The following LTBP1 variants were observed in gnomAD, a reference collection of about 807,000 sequenced individuals.
The protein encoded by LTBP1 is latent-transforming growth factor beta-binding protein 1.
In LTBP1, 129 loss-of-function variants were observed where a neutral mutation model predicts 207.6. The observed-to-expected ratio is 0.62, with a 90% CI of 0.54 to 0.72. The LOEUF (loss-of-function observed/expected upper bound fraction) is 0.72, where lower values mean the gene tolerates loss of function less well. Among genes scored for constraint, LTBP1 ranks in the 30% least tolerant of loss-of-function variants. The pLI is 0.00. For synonymous variants in LTBP1, 963 were observed against 833.7 expected, an observed-to-expected ratio of 1.16 and a Z score of -2.67; for missense variants, 2,281 against 2,217.2, an observed-to-expected ratio of 1.03 and a Z score of -0.58.
At chr2:32,987,608 A>C (rs866413565) in intron 2 of LTBP1, among the ~76,000 whole-genome samples, 2 of 152,310 alleles carry the variant, frequency 1.3e-5, no homozygotes, top group African/African-American at 2.4e-5. Flanking sequence ...TCTGTATGTG[A>C]GAATCTTATA....
At chr2:32,985,408 T>C (rs2148783469) in intron 2 of LTBP1, among the ~76,000 whole-genome samples, 1 of 152,148 alleles carries the variant, frequency 6.6e-6, no homozygotes, top group East Asian at 1.9e-4. Flanking sequence ...TTAGAGAGGA[T>C]AAATTCTCAC....
chr2:33,268,467 T>C (rs1208293301), intron 15 of LTBP1, among the ~76,000 whole-genome samples: 7 of 152,246 alleles, frequency 4.6e-5, no homozygotes, highest in Admixed American at 3.9e-4. Flanking sequence ...CCTTTTCACA[T>C]TTAGCTAAAC....
chr2:33,188,606 C>CT lies in LTBP1; in HGVS notation c.1456_1457insT (p.His486LeufsTer7), dbSNP rs1450832207. On this transcript the variant is annotated frameshift_variant, in exon 7 of 34. Transcript: ENST00000404816. LOFTEE classifies it high-confidence loss of function. Reference sequence around the variant, plus strand: ...ATTTCCTCCTAACATAGTCAATATCCATGTGAAACATCCTCCTGAAGCTTC... The same window carrying CT: ...ATTTCCTCCTAACATAGTCAATATCCTATGTGAAACATCCTCCTGAAGCTTC... 4 of 1,613,604 alleles carry CT rather than the reference C, an allele frequency of 2.5e-6. No homozygotes were observed. The highest frequency in any genetic ancestry group is 3.4e-6 in the Non-Finnish European group (4 of 1,179,934).
chr2:33,074,791 A>T (rs1032125845), intron 3 of LTBP1, among the ~76,000 whole-genome samples: 1 of 151,690 alleles, frequency 6.6e-6, no homozygotes, highest in Non-Finnish European at 1.5e-5. Context: ...AATGGCGTGA[A>T]CCGAGGAGGT....
intron 2 of LTBP1, among the ~76,000 whole-genome samples, chr2:33,019,760 T>C (rs2075061209): frequency 6.6e-6 from 1 of 152,156 alleles, no homozygotes; most frequent in Non-Finnish European, 1.5e-5. Flanking sequence ...ATTCTGTTGC[T>C]TAGGCTGGAG....
rs1204619710 is a variant in LTBP1, at chr2:33,365,396, T to C, written c.4604T>C (p.Val1535Ala). 6.2e-7 allele frequency: 1 copy of C among 1,614,034 alleles called. No individual in the cohort carries two copies. Among genetic ancestry groups the C allele is most frequent in the Non-Finnish European group, 8.5e-7 (1 of 1,180,030 alleles). Residue 1535 changes from valine to alanine, a missense_variant, in exon 31 of 34, where the codon GTG (valine) becomes GCG (alanine). Physicochemically the swap from Val to Ala is moderately conservative, Grantham distance 64. Coordinates refer to ENST00000404816, the MANE Select transcript of LTBP1 (RefSeq NM_206943.4). Reference sequence around the variant, plus strand: ...TGGGAACATCTGAGTGATGAATACGTGTGTAGCCGGCCTCTTGTGGGCAAG... The same window carrying C: ...TGGGAACATCTGAGTGATGAATACGCGTGTAGCCGGCCTCTTGTGGGCAAG... ...LCWEHLSDEY[V>A]CSRPLVGKQT...
chr2:33,324,584 T>C (rs2094401744), intron 24 of LTBP1, among the ~76,000 whole-genome samples: 1 of 152,150 alleles, frequency 6.6e-6, no homozygotes, highest in South Asian at 2.1e-4. Context: ...ATTTTATTTT[T>C]ATATTGTCAA....
At chr2:33,144,010 A>G (rs2082827723) in intron 5 of LTBP1, among the ~76,000 whole-genome samples, 1 of 151,880 alleles carries the variant, frequency 6.6e-6, no homozygotes, top group Non-Finnish European at 1.5e-5. Flanking sequence ...GAAGGTGCAT[A>G]TGGACTCCTT....
chr2:33,150,710 C>CTTTTTTTTTTTTTTTTT (rs1176008947), intron 5 of LTBP1, among the ~76,000 whole-genome samples: 5 of 69,280 alleles, frequency 7.2e-5, no homozygotes, highest in Admixed American at 2.1e-4. Context: ...TTTTCTTTTT[C>CTTTTTTTTTTTTTTTTT]TTTTTTTTTT....
At chr2:33,075,697 T>TA (rs1037517554) in intron 3 of LTBP1, among the ~76,000 whole-genome samples, 10 of 152,256 alleles carry the variant, frequency 6.6e-5, no homozygotes, top group African/African-American at 2.2e-4. Context: ...CCAATTTACC[T>TA]ACTTTACTGG....
Position 33,347,031 on chromosome 2 carries a change from T to C in LTBP1, c.3857-336T>C, listed in dbSNP as rs2094711872. Among the ~76,000 whole-genome samples the C allele has an allele frequency of 2.9e-5, 4 of 136,992 alleles. 1 individual carries two copies. The South Asian group carries it at 9.1e-4, about 31-fold the overall frequency. The allele number at this position is 136,992 out of a possible 152,430, so 89.9% of individuals were successfully genotyped here. A position where few individuals can be genotyped will look rare whatever the true frequency, so the allele number is the denominator to read the frequency against. Reference sequence around the variant, plus strand: ...TATTCAGGAGGCTGAGGCAGGAGAATGGCGTGAACCCGGGAGGCAGAGCTT... The same window carrying C: ...TATTCAGGAGGCTGAGGCAGGAGAACGGCGTGAACCCGGGAGGCAGAGCTT... On this transcript the variant is annotated intron_variant, in intron 25 of 33. Coordinates refer to ENST00000404816, the MANE Select transcript of LTBP1 (RefSeq NM_206943.4).
At position 33,134,344 on chromosome 2, in the gene LTBP1, A is replaced by AACAGG; in HGVS notation, c.1034-449_1034-448insACAGG. On this transcript the variant is annotated intron_variant, in intron 4 of 33. Coordinates refer to ENST00000404816, the MANE Select transcript of LTBP1 (RefSeq NM_206943.4). This position sits in a 1 kb window ranked among gnomAD's most constrained non-coding sequence, Gnocchi z 4.4. ...CTGCAAATAGTGACTTAATAAGTGG[A>AACAGG]GAAACAGGGAAAGTATGCAAGTTGA... 2.2e-6 allele frequency: 1 copy of AACAGG among 453,606 alleles called. No individual in the cohort carries two copies. Among genetic ancestry groups the AACAGG allele is most frequent in the South Asian group, 1.6e-5 (1 of 61,818 alleles). 28.1% of individuals were successfully genotyped at this position (453,606 alleles called of 1,614,324 possible).
At chr2:33,196,801 A>C (rs536385527) in intron 7 of LTBP1, among the ~76,000 whole-genome samples, 66 of 152,300 alleles carry the variant, frequency 4.3e-4, no homozygotes, top group African/African-American at 1.5e-3. Flanking sequence ...GTGTACTCTT[A>C]ATTATCAGTC....
At chr2:33,194,647 G>A (rs2088330640) in intron 7 of LTBP1, among the ~76,000 whole-genome samples, 1 of 152,146 alleles carries the variant, frequency 6.6e-6, no homozygotes, top group African/African-American at 2.4e-5. Context: ...TGGTTCATGA[G>A]GTTTAAAGAA....
intron 3 of LTBP1, among the ~76,000 whole-genome samples, chr2:33,068,800 A>G (rs1322712592): frequency 6.6e-6 from 1 of 152,146 alleles, no homozygotes; most frequent in Non-Finnish European, 1.5e-5. Context: ...TATGTTTTGA[A>G]TTTTGTCAAT....
At chr2:33,135,084 T>A in intron 5 of LTBP1, 124 bp downstream of exon 5, 1 of 989,980 alleles carries the variant, frequency 1.0e-6, no homozygotes, top group Non-Finnish European at 1.4e-6. Flanking sequence ...TGAGTACGAG[T>A]ATGTTTCTTT....
At chr2:33,020,859 A>C (rs2075131574) in intron 2 of LTBP1, 50 bp from the exon 3 acceptor site, 6 of 1,490,520 alleles carry the variant, frequency 4.0e-6, no homozygotes, top group Middle Eastern at 2.0e-4. Flanking sequence ...AAAATTAGGA[A>C]GTCTACAATG....
rs907137701 is a variant in LTBP1, at chr2:33,389,123, G to A, written c.4712-61G>A. 8.6e-5 allele frequency: 139 copies of A among 1,607,632 alleles called. No homozygotes were observed. In the Admixed American group the frequency reaches 2.3e-3, roughly 27 times the overall value. On this transcript the variant is annotated intron_variant, in intron 31 of 33. Coordinates refer to ENST00000404816, the MANE Select transcript of LTBP1 (RefSeq NM_206943.4). ...AGATTCCCGTTGCTCTGAGCTGCGAGGGGGTGGGGCAGGTGCGAGCTAACA... is the reference window on the plus strand; with the variant it reads ...AGATTCCCGTTGCTCTGAGCTGCGAAGGGGTGGGGCAGGTGCGAGCTAACA...
At chr2:33,260,473 G>C (rs2092979435) in intron 13 of LTBP1, among the ~76,000 whole-genome samples, 1 of 152,050 alleles carries the variant, frequency 6.6e-6, no homozygotes, top group South Asian at 2.1e-4. Context: ...AAGCTGACAA[G>C]AATGCATTAT....
Sources: gnomAD v4.1 joint callset for allele counts (sites outside exome capture counted in the v4.1 genomes callset) on GRCh38, gnomAD v4.1.1 for gene constraint, Gnocchi (gnomAD v3.1) non-coding constraint, MANE v1.5 for transcripts, NCBI Gene and HGNC (gene_info 2026-07-23, HGNC 2026-07-21) for gene names.